Variants in XPO6 observed in about 807,000 individuals in gnomAD.
XPO6 encodes the protein exportin 6, also known as exportin-6.
Under a neutral mutation model 130.0 loss-of-function variants are expected in XPO6, and 3 were observed. The observed-to-expected ratio is 0.02, with a 90% CI of 0.01 to 0.06. The LOEUF is 0.06. XPO6 is among the 10% of genes least tolerant of loss of function. The pLI is 1.00. For missense variants in XPO6, 970 were observed against 1,393.0 expected, an observed-to-expected ratio of 0.70 and a Z score of 4.83; for synonymous variants, 524 against 548.9, an observed-to-expected ratio of 0.95 and a Z score of 0.63.
Position 28,149,053 on chromosome 16 carries a change from G to T in XPO6, c.1225-2850C>A, listed in dbSNP as rs8060442. 0.012 allele frequency among the ~76,000 whole-genome samples: 1,143 copies of T among 94,486 alleles called. 31 individuals carry two copies. In the South Asian group the frequency reaches 0.12, roughly 10 times the overall value. 62.0% of individuals were successfully genotyped at this position (94,486 alleles called of 152,430 possible). The stretch of plus-strand genomic sequence containing the variant: ...GTGAAACTCTGTCTCCAAAAAAAAA[G>T]AAAATAAAAAAAAAAAAAAACAAAA... On this transcript the variant is annotated intron_variant, in intron 8 of 23. Transcript: ENST00000304658.
Position 28,132,251 on chromosome 16 carries a change from G to C in XPO6, c.1606+83C>G. On this transcript the variant is annotated intron_variant, in intron 12 of 23. Transcript: ENST00000304658. This position sits in a 1 kb window ranked among gnomAD's most constrained non-coding sequence, Gnocchi z 4.0. ...GGCTGCAGTGAAGAAATCATGTTCC[G>C]ACAGCAACGGCAGCAGTAATGAAAT... is the stretch of plus-strand genomic sequence containing the variant. The C allele has an allele frequency of 4.7e-6, 5 of 1,067,028 alleles. No individual in the cohort carries two copies. The South Asian group carries it at 7.1e-5, about 15-fold the overall frequency. The allele number at this position is 1,067,028 out of a possible 1,614,324, so 66.1% of individuals were successfully genotyped here.
At chr16:28,178,602 G>GAA (rs77812683) in intron 2 of XPO6, among the ~76,000 whole-genome samples, 3 of 148,552 alleles carry the variant, frequency 2.0e-5, no homozygotes, top group African/African-American at 7.5e-5. Context: ...GCTATTTAAA[G>GAA]AAAAAAAAAA....
chr16:28,150,840 CTGT>C (rs1313992245), intron 8 of XPO6, among the ~76,000 whole-genome samples: 1 of 152,138 alleles, frequency 6.6e-6, no homozygotes, highest in Non-Finnish European at 1.5e-5. Flanking sequence ...TGTCCCAAAA[CTGT>C]TCCACCTCTG....
At chr16:28,167,479 C>A (rs899231784) in intron 5 of XPO6, among the ~76,000 whole-genome samples, 1 of 152,198 alleles carries the variant, frequency 6.6e-6, no homozygotes, top group African/African-American at 2.4e-5. Context: ...CAACCTCTGA[C>A]CTGCTCTCCT....
intron 1 of XPO6, among the ~76,000 whole-genome samples, chr16:28,185,802 T>C (rs949845852): frequency 2.6e-5 from 4 of 152,172 alleles, no homozygotes; most frequent in African/African-American, 7.2e-5. Flanking sequence ...CTCACCTCAA[T>C]AGCAAATGGC....
At chr16:28,197,844 G>A (rs1203499053) in intron 1 of XPO6, among the ~76,000 whole-genome samples, 3 of 149,848 alleles carry the variant, frequency 2.0e-5, no homozygotes, top group South Asian at 4.2e-4. Context: ...GCTTGAACCC[G>A]GGAGGCGGAG....
intron 4 of XPO6, 55 bp from the exon 5 acceptor site, chr16:28,169,964 G>A (rs1198933213): frequency 1.9e-6 from 3 of 1,593,068 alleles, no homozygotes; most frequent in East Asian, 4.5e-5. Context: ...AGTACAAAGA[G>A]GACTCAGTAG....
At chr16:28,158,318 C>G (rs1336232726) in intron 6 of XPO6, among the ~76,000 whole-genome samples, 1 of 152,150 alleles carries the variant, frequency 6.6e-6, no homozygotes, top group Non-Finnish European at 1.5e-5. Context: ...TTCATTATCT[C>G]CAAGTGTACA....
intron 1 of XPO6, among the ~76,000 whole-genome samples, chr16:28,197,114 T>C (rs1408324286): frequency 1.3e-5 from 2 of 151,964 alleles, no homozygotes; most frequent in African/African-American, 4.8e-5. Flanking sequence ...TAGCCGGGTG[T>C]GATGGCTAAC....
At chr16:28,168,841 CT>C (rs770084711) in intron 5 of XPO6, among the ~76,000 whole-genome samples, 66 of 151,704 alleles carry the variant, frequency 4.4e-4, no homozygotes, top group Non-Finnish European at 7.1e-4. Context: ...TCTCAAACTC[CT>C]GGGCTCAAGT....
intron 1 of XPO6, chr16:28,183,335 T>C (rs1203180710): frequency 5.9e-5 from 9 of 151,786 alleles, no homozygotes; most frequent in African/African-American, 1.9e-4. Context: ...CCAAAGGTAC[T>C]GAGTTATCTC....
chr16:28,147,004 T>C (rs189525175), intron 8 of XPO6, among the ~76,000 whole-genome samples: 1 of 152,316 alleles, frequency 6.6e-6, no homozygotes, highest in East Asian at 1.9e-4. Context: ...CTCCAAACCC[T>C]GATATCTCCA....
intron 23 of XPO6, among the ~76,000 whole-genome samples, chr16:28,100,439 G>A (rs2086631908): frequency 6.6e-6 from 1 of 152,230 alleles, no homozygotes; most frequent in South Asian, 2.1e-4. Flanking sequence ...AGGCTTAGGA[G>A]AGAACAAGTC....
At chr16:28,181,359 C>G (rs2043611211) in intron 1 of XPO6, among the ~76,000 whole-genome samples, 1 of 152,148 alleles carries the variant, frequency 6.6e-6, no homozygotes, top group African/African-American at 2.4e-5. Context: ...CCTGAATGGG[C>G]AGAGCAGAGA....
In XPO6 at chr16:28,117,365, G is replaced by C; in HGVS notation, c.1957C>G (p.Leu653Val). 1 of 1,614,222 alleles carries C rather than the reference G, an allele frequency of 6.2e-7. No individual in the cohort carries two copies. Among genetic ancestry groups the C allele is most frequent in the South Asian group, 1.1e-5 (1 of 91,084 alleles). ...HRQNTQQFVT[L>V]ISTTMDAITP... is the part of the protein sequence containing the mutation. ...ATTGCATCCATGGTAGTAGAGATGA[G>C]TGTCACGAACTGCTGCGTGTTCTGC... Residue 653 changes from leucine to valine, a missense_variant, in exon 15 of 24, where the codon CTC becomes GTC. Leu to Val is a conservative substitution (Grantham distance 32). Around this residue, in one of 4 missense-constraint regions of XPO6, gnomAD observed 936 missense variants for 1,306.8 expected, o/e 0.72. Coordinates refer to ENST00000304658, the MANE Select transcript of XPO6 (RefSeq NM_015171.4).
At chr16:28,114,329 C>T (rs2087002441) in intron 15 of XPO6, among the ~76,000 whole-genome samples, 1 of 151,892 alleles carries the variant, frequency 6.6e-6, no homozygotes, top group Admixed American at 6.6e-5. Flanking sequence ...TTAGTTATTA[C>T]TTATTACATA....
chr16:28,164,894 T>G (rs140224360), intron 6 of XPO6, among the ~76,000 whole-genome samples: 46 of 152,244 alleles, frequency 3.0e-4, no homozygotes, highest in African/African-American at 1.1e-3. Flanking sequence ...TAGCGAGTAT[T>G]CAACTGTCTA....
In XPO6 at chr16:28,169,242, T is replaced by TA. The variant is rs1178400596; in HGVS notation, c.565+507dup. Among the ~76,000 whole-genome samples, 6 of 152,202 alleles carry TA rather than the reference T, an allele frequency of 3.9e-5. No individual in the cohort carries two copies. The East Asian group carries it at 1.2e-3, about 29-fold the overall frequency. ...CTCATGTTGTGGTTTGCTTTCTGTT[T>TA]ATTCTTACCCTTTACACCTTGTCAT... On this transcript the variant is annotated intron_variant, in intron 5 of 23. Coordinates refer to ENST00000304658, the MANE Select transcript of XPO6 (RefSeq NM_015171.4).
chr16:28,117,615 A>C (rs1440152720), intron 14 of XPO6, among the ~76,000 whole-genome samples, 153 bp from the exon 15 acceptor site: 1 of 152,360 alleles, frequency 6.6e-6, no homozygotes, highest in East Asian at 1.9e-4. Flanking sequence ...GTTCACGTAG[A>C]ACCTAAAAAC....
Sources: allele counts gnomAD v4.1 joint callset (sites outside exome capture counted in the v4.1 genomes callset), GRCh38; gene constraint gnomAD v4.1.1; regional missense constraint gnomAD v4.1.1; non-coding constraint Gnocchi (gnomAD v3.1); transcripts MANE v1.5; gene names NCBI Gene and HGNC (gene_info 2026-07-23, HGNC 2026-07-21).